Variants in SLC11A2 observed in about 807,000 individuals in gnomAD.
The protein encoded by SLC11A2 is natural resistance-associated macrophage protein 2.
SLC11A2 carries 38 observed loss-of-function variants against 68.0 expected under a neutral mutation model. The observed-to-expected ratio is 0.56, with a 90% CI of 0.43 to 0.73. The LOEUF is 0.73. Ranked by LOEUF, SLC11A2 falls within the 30% of genes least tolerant of loss-of-function variation. The probability of loss-of-function intolerance (pLI) is 0.00; values close to 1 mark genes in which losing one functional copy is unlikely to be tolerated. For missense variants in SLC11A2, 517 were observed against 690.5 expected, an observed-to-expected ratio of 0.75 and a Z score of 2.82; for synonymous variants, 242 against 250.6, an observed-to-expected ratio of 0.97 and a Z score of 0.32.
downstream of SLC11A2, among the ~76,000 whole-genome samples, chr12:50,977,895 G>C (rs1372284245): frequency 1.3e-5 from 2 of 152,148 alleles, no homozygotes; most frequent in African/African-American, 4.8e-5. Flanking sequence ...ATGAAAAAAT[G>C]CTCATCATCA....
chr12:51,002,953 C>T (rs1942397308), intron 5 of SLC11A2, among the ~76,000 whole-genome samples: 1 of 145,878 alleles, frequency 6.9e-6, no homozygotes, highest in Non-Finnish European at 1.5e-5. Context: ...AATACCAAAA[C>T]AAGGCCAGGC....
At chr12:51,011,368 T>G (rs1034290613) in intron 1 of SLC11A2, among the ~76,000 whole-genome samples, 3 of 152,028 alleles carry the variant, frequency 2.0e-5, no homozygotes, top group African/African-American at 7.2e-5. Flanking sequence ...GACCTCGTGA[T>G]CCGCCCGCCT....
chr12:51,022,870 T>A (rs1422573264), intron 1 of SLC11A2, among the ~76,000 whole-genome samples: 1 of 152,182 alleles, frequency 6.6e-6, no homozygotes, highest in African/African-American at 2.4e-5. Flanking sequence ...TTATCGGCAA[T>A]AAGCACCAAA....
At chr12:51,028,170 TACTTACTTAGTTC>T, upstream of SLC11A2, 1 of 1,529,022 alleles carries the variant, frequency 6.5e-7, no homozygotes, top group Non-Finnish European at 8.8e-7. Flanking sequence ...TTCCCTGGGC[TACTTACTTAGTTC>T]ACAGTGTGGA....
chr12:50,984,912 A>T (rs1229611110), downstream of SLC11A2, among the ~76,000 whole-genome samples: 1 of 152,168 alleles, frequency 6.6e-6, no homozygotes, highest in African/African-American at 2.4e-5. Flanking sequence ...TATACTATAT[A>T]TTACACAGGA....
At chr12:50,959,307 T>C in the SLC11A2 span, among the ~76,000 whole-genome samples, 72,077 of 151,494 alleles carry the variant, frequency 0.48, 18,112 homozygotes, top group South Asian at 0.65. Context: ...TTAGTAGAGA[T>C]GGGGGTTTCT....
chr12:50,987,609 C>T lies in SLC11A2; in HGVS notation c.*716G>A, dbSNP rs571129669. 666 of 1,287,044 alleles carry T rather than the reference C, an allele frequency of 5.2e-4. 1 individual carries two copies. Among genetic ancestry groups the T allele is most frequent in the Non-Finnish European group, 6.4e-4 (634 of 988,684 alleles). 79.7% of individuals were successfully genotyped at this position (1,287,044 alleles called of 1,614,324 possible). ...AGGTTATTAAGACTCCCAAGAAATCCTCATAAGCTTTTCAATCTGAGGAAA... is the reference window on the plus strand; with the variant it reads ...AGGTTATTAAGACTCCCAAGAAATCTTCATAAGCTTTTCAATCTGAGGAAA... On this transcript the variant is annotated 3_prime_UTR_variant, in exon 16 of 16. Coordinates refer to ENST00000262052, the MANE Select transcript of SLC11A2 (RefSeq NM_000617.3).
At chr12:50,988,561 C>T in intron 15 of SLC11A2, 126 bp from the exon 16 acceptor site, 1 of 1,468,178 alleles carries the variant, frequency 6.8e-7, no homozygotes, top group Non-Finnish European at 9.2e-7. Flanking sequence ...CTTCTACCAC[C>T]AAGGGTTGCA....
At chr12:51,015,542 G>A (rs571234822) in intron 1 of SLC11A2, among the ~76,000 whole-genome samples, 145 of 151,178 alleles carry the variant, frequency 9.6e-4, no homozygotes, top group African/African-American at 3.4e-3. Flanking sequence ...GGCCAGGCCA[G>A]TTATGCACAG....
At chr12:50,971,125 C>T in the SLC11A2 span, among the ~76,000 whole-genome samples, 1 of 152,260 alleles carries the variant, frequency 6.6e-6, no homozygotes, top group African/African-American at 2.4e-5. Context: ...GGTGATTCAC[C>T]CACATTGGCT....
chr12:51,023,065 C>G (rs1207685334), intron 1 of SLC11A2, among the ~76,000 whole-genome samples: 1 of 152,118 alleles, frequency 6.6e-6, no homozygotes. Context: ...CTAGAATATT[C>G]CTGATGATGC....
chr12:50,958,282 C>CTT, the SLC11A2 span, among the ~76,000 whole-genome samples: 391 of 133,926 alleles, frequency 2.9e-3, no homozygotes, highest in African/African-American at 5.8e-3. Context: ...CTAAAATAAT[C>CTT]TTTTTTTTTT....
intron 4 of SLC11A2, 136 bp from the exon 5 acceptor site, chr12:51,005,043 A>T: frequency 8.9e-7 from 1 of 1,120,120 alleles, no homozygotes; most frequent in Non-Finnish European, 1.3e-6. Context: ...AAATGACTTG[A>T]GTTCTATAAC....
chr12:50,966,201 G>C, the SLC11A2 span, among the ~76,000 whole-genome samples: 4 of 152,092 alleles, frequency 2.6e-5, no homozygotes, highest in East Asian at 7.7e-4. Flanking sequence ...AATTTAGGGA[G>C]CCCAGCAGTT....
At chr12:50,981,373 A>C (rs1294260376), downstream of SLC11A2, 1 of 156,756 alleles carries the variant, frequency 6.4e-6, no homozygotes, top group African/African-American at 2.4e-5. Context: ...AAGTTCTATC[A>C]GTTTCATATA....
chr12:51,004,886 C>A lies in SLC11A2; in HGVS notation c.331G>T (p.Ala111Ser). Residue 111 changes from alanine to serine, a missense_variant, in exon 5 of 16, where the codon GCC becomes TCC. Transcript: ENST00000262052. ...TGGAGCAGCAGCCCCACAAGGGTGG[C>A]CAACAGAAGGATCCAGAGCAACTAA... ...GFKLLWILLLATLVGLLLQRL... is the reference protein window; with the variant it reads ...GFKLLWILLLSTLVGLLLQRL... 1 of 1,614,096 alleles carries A rather than the reference C, an allele frequency of 6.2e-7. No homozygotes were observed. The highest frequency in any genetic ancestry group is 8.5e-7 in the Non-Finnish European group (1 of 1,179,998).
At chr12:51,005,663 C>CAA in intron 3 of SLC11A2, 1 of 1,359,490 alleles carries the variant, frequency 7.4e-7, no homozygotes. Context: ...CTGCAGGTTC[C>CAA]ATCAGCCTCT....
intron 2 of SLC11A2, chr12:51,009,279 T>C (rs1943009414): frequency 2.3e-6 from 3 of 1,300,028 alleles, no homozygotes; most frequent in Non-Finnish European, 2.9e-6. Context: ...GTGCCGCCGG[T>C]CACGGGGTAC....
chr12:51,014,360 T>C (rs1384528825), intron 1 of SLC11A2: 1 of 152,190 alleles, frequency 6.6e-6, no homozygotes, highest in Non-Finnish European at 1.5e-5. Flanking sequence ...AAATTTTAAA[T>C]AATTATTAGT....
Sources: gnomAD v4.1 joint callset for allele counts (sites outside exome capture counted in the v4.1 genomes callset) on GRCh38, gnomAD v4.1.1 for gene constraint, MANE v1.5 for transcripts, NCBI Gene and HGNC (gene_info 2026-07-23, HGNC 2026-07-21) for gene names.